The following THSD7A variants were observed in gnomAD, a reference collection of about 807,000 sequenced individuals.
THSD7A encodes thrombospondin type 1 domain containing 7A, also known as thrombospondin type-1 domain-containing protein 7A.
THSD7A carries 96 observed loss-of-function variants against 231.3 expected under a neutral mutation model. That is an observed-to-expected ratio of 0.41 (90% CI 0.35 to 0.49). THSD7A has a LOEUF of 0.49. Among genes scored for constraint, THSD7A ranks in the 20% least tolerant of loss-of-function variants. The pLI, the probability that THSD7A is intolerant of heterozygous loss-of-function variation, is 0.05. For missense variants in THSD7A, 2,290 were observed against 2,070.2 expected, an observed-to-expected ratio of 1.11 and a Z score of -2.06; for synonymous variants, 940 against 743.3, an observed-to-expected ratio of 1.26 and a Z score of -4.30.
At chr7:11,716,572 C>T (rs1345380447) in intron 1 of THSD7A, among the ~76,000 whole-genome samples, 1 of 151,588 alleles carries the variant, frequency 6.6e-6, no homozygotes, top group African/African-American at 2.4e-5. Context: ...CCCTGGAAAA[C>T]TTTTCTCACT....
intron 2 of THSD7A, among the ~76,000 whole-genome samples, chr7:11,627,720 A>G (rs1781518161): frequency 6.6e-6 from 1 of 152,118 alleles, no homozygotes; most frequent in South Asian, 2.1e-4. Flanking sequence ...ATAGAAGTCA[A>G]GTTATTTTTG....
chr7:11,632,159 T>G lies in THSD7A; in HGVS notation c.1022+3971A>C, dbSNP rs1781679834. On this transcript the variant is annotated intron_variant, in intron 2 of 27. Coordinates refer to ENST00000423059, the MANE Select transcript of THSD7A (RefSeq NM_015204.3). This position sits in a 1 kb window ranked among gnomAD's most constrained non-coding sequence, Gnocchi z 4.1. ...GTTAGCCTTTCCTCTCTCTTTATTTTTCAGTATTTTCCTGTCTAATACATC... is the reference window on the plus strand; with the variant it reads ...GTTAGCCTTTCCTCTCTCTTTATTTGTCAGTATTTTCCTGTCTAATACATC... Among the ~76,000 whole-genome samples the G allele has an allele frequency of 6.6e-6, 1 of 152,160 alleles. No individual in the cohort carries two copies. Among genetic ancestry groups the G allele is most frequent in the Admixed American group, 6.6e-5 (1 of 15,266 alleles).
chr7:11,726,687 A>G (rs1562508619), intron 1 of THSD7A, among the ~76,000 whole-genome samples: 1 of 151,888 alleles, frequency 6.6e-6, no homozygotes, highest in African/African-American at 2.4e-5. Flanking sequence ...TTGGGCCGAC[A>G]TTTTTTCCAC....
chr7:11,585,995 G>T (rs557284733), intron 4 of THSD7A, among the ~76,000 whole-genome samples: 1 of 152,012 alleles, frequency 6.6e-6, no homozygotes, highest in Admixed American at 6.6e-5. Flanking sequence ...AGGACCTGCC[G>T]TATTATTTTC....
At chr7:11,710,476 ATGC>A (rs1276223380) in intron 1 of THSD7A, among the ~76,000 whole-genome samples, 1 of 150,840 alleles carries the variant, frequency 6.6e-6, no homozygotes. Flanking sequence ...TTGCAAAAAC[ATGC>A]TGCAAAATTT....
intron 1 of THSD7A, among the ~76,000 whole-genome samples, chr7:11,703,407 A>G (rs1307199004): frequency 6.6e-6 from 1 of 151,206 alleles, no homozygotes; most frequent in Non-Finnish European, 1.5e-5. Flanking sequence ...ATCCTACCCA[A>G]TAAGTGGCAG....
intron 1 of THSD7A, among the ~76,000 whole-genome samples, chr7:11,827,628 T>C (rs529914498): frequency 6.6e-6 from 1 of 152,278 alleles, no homozygotes; most frequent in East Asian, 1.9e-4. Flanking sequence ...GCTCTTCTTT[T>C]CAATATTTTC....
At position 11,379,091 on chromosome 7, in the gene THSD7A, A is replaced by C. The variant is rs748772395; in HGVS notation, c.4780T>G (p.Phe1594Val). ...TCACCTGGCCCAAATGGCTGTAGAAACCAGGTCCTTCCCCGTCCTGCTGGG... is the reference window on the plus strand; with the variant it reads ...TCACCTGGCCCAAATGGCTGTAGAACCCAGGTCCTTCCCCGTCCTGCTGGG... ...SNPAGRGRTW[F>V]LQPFGPDGRL... Residue 1594 changes from phenylalanine to valine, a missense_variant, in exon 26 of 28, where the codon TTT becomes GTT. By Grantham distance (50) the Phe-to-Val change is conservative. Coordinates refer to ENST00000423059, the MANE Select transcript of THSD7A (RefSeq NM_015204.3). 2.5e-6 allele frequency: 4 copies of C among 1,613,372 alleles called. No individual in the cohort carries two copies. Among genetic ancestry groups the C allele is most frequent in the Non-Finnish European group, 1.7e-6 (2 of 1,179,642 alleles).
intron 11 of THSD7A, among the ~76,000 whole-genome samples, chr7:11,448,748 A>T (rs1785053449): frequency 6.6e-6 from 1 of 152,138 alleles, no homozygotes; most frequent in African/African-American, 2.4e-5. Flanking sequence ...AACTTAATGC[A>T]ACTGCTTCAG....
At chr7:11,774,920 T>C (rs1783352931) in intron 1 of THSD7A, among the ~76,000 whole-genome samples, 1 of 152,088 alleles carries the variant, frequency 6.6e-6, no homozygotes, top group African/African-American at 2.4e-5. Context: ...CTGTGCGTGG[T>C]GGCATGTGCC....
intron 13 of THSD7A, among the ~76,000 whole-genome samples, chr7:11,432,491 G>C (rs768330483): frequency 1.3e-5 from 2 of 152,018 alleles, no homozygotes; most frequent in African/African-American, 2.4e-5. Flanking sequence ...TCTTACAAGA[G>C]CAACAACTAT....
chr7:11,404,975 C>A (rs1216958777), intron 22 of THSD7A, among the ~76,000 whole-genome samples: 3 of 151,966 alleles, frequency 2.0e-5, no homozygotes, highest in Admixed American at 2.0e-4. Flanking sequence ...TAGTTTAGTT[C>A]TTGACCTGAA....
chr7:11,607,000 A>C (rs1323193780), intron 2 of THSD7A, among the ~76,000 whole-genome samples: 1 of 151,782 alleles, frequency 6.6e-6, no homozygotes, highest in Non-Finnish European at 1.5e-5. Context: ...TAGAACTTAA[A>C]GTATAATAAT....
At chr7:11,393,198 A>T (rs1783051888) in intron 23 of THSD7A, among the ~76,000 whole-genome samples, 1 of 152,220 alleles carries the variant, frequency 6.6e-6, no homozygotes, top group African/African-American at 2.4e-5. Context: ...AGTAACTGGC[A>T]GCAATCTTCG....
At chr7:11,692,141 C>A (rs1432670202) in intron 1 of THSD7A, among the ~76,000 whole-genome samples, 1 of 151,326 alleles carries the variant, frequency 6.6e-6, no homozygotes, top group African/African-American at 2.4e-5. Context: ...GAATGACAAC[C>A]AAAATCTGTG....
chr7:11,549,988 G>C (rs999813172), intron 4 of THSD7A, among the ~76,000 whole-genome samples: 1 of 152,032 alleles, frequency 6.6e-6, no homozygotes, highest in Non-Finnish European at 1.5e-5. Context: ...TCTAGCCAGT[G>C]AAATCAGGCA....
intron 23 of THSD7A, among the ~76,000 whole-genome samples, chr7:11,386,671 T>G (rs1782756234): frequency 6.6e-6 from 1 of 152,268 alleles, no homozygotes; most frequent in Non-Finnish European, 1.5e-5. Flanking sequence ...GCCTGTTCAC[T>G]CTGATGATAG....
intron 23 of THSD7A, among the ~76,000 whole-genome samples, chr7:11,392,291 G>T (rs1383080597): frequency 6.6e-6 from 1 of 151,976 alleles, no homozygotes; most frequent in Non-Finnish European, 1.5e-5. Context: ...AAGTGCGAGG[G>T]GTTGGGGAAC....
At chr7:11,796,561 G>A (rs1281574771) in intron 1 of THSD7A, among the ~76,000 whole-genome samples, 2 of 149,836 alleles carry the variant, frequency 1.3e-5, no homozygotes, top group South Asian at 2.1e-4. Context: ...TTTGTTTGAT[G>A]TTTTCAATAA....
Sources: allele counts gnomAD v4.1 joint callset (sites outside exome capture counted in the v4.1 genomes callset), GRCh38; gene constraint gnomAD v4.1.1; non-coding constraint Gnocchi (gnomAD v3.1); transcripts MANE v1.5; gene names NCBI Gene and HGNC (gene_info 2026-07-23, HGNC 2026-07-21).